The following TRIOBP variants were observed in gnomAD, a reference collection of about 807,000 sequenced individuals.
TRIOBP encodes the protein TRIO and F-actin binding protein.
Under a neutral mutation model 238.8 loss-of-function variants are expected in TRIOBP, and 169 were observed. The ratio of observed to expected loss-of-function variants is 0.71; its 90% confidence interval spans 0.62 to 0.80. The LOEUF (loss-of-function observed/expected upper bound fraction) is 0.80. Ranked by LOEUF, TRIOBP falls within the 30% of genes least tolerant of loss-of-function variation. TRIOBP has a pLI of 0.00. For missense variants in TRIOBP, 2,838 were observed against 3,122.6 expected (o/e 0.91, Z 2.17); for synonymous variants, 1,150 against 1,274.4 (o/e 0.90, Z 2.08).
At position 37,735,005 on chromosome 22, in the gene TRIOBP, C is replaced by T. The variant is rs1182308319; in HGVS notation, c.4669C>T (p.Leu1557Phe). The stretch of plus-strand genomic sequence containing the variant: ...GCGTGGCTCTGAGAGGCGACCCGAG[C>T]TTGACTGGAGGGATCTGCTTGGCCT... The part of the protein sequence containing the change: ...YPRGSERRPE[L>F]DWRDLLGLLR... The change falls in exon 9 of 24, where the codon CTT becomes TTT. Residue 1557 changes from leucine to phenylalanine, a missense_variant. Leu to Phe is a conservative substitution (Grantham distance 22). Around this residue, in one of 5 missense-constraint regions of TRIOBP, gnomAD observed 2,096 missense variants for 2,137.4 expected, o/e 0.98. Transcript: ENST00000644935. 6.2e-7 allele frequency: 1 copy of T among 1,613,096 alleles called. No individual in the cohort carries two copies. The highest frequency in any genetic ancestry group is 8.5e-7 in the Non-Finnish European group (1 of 1,179,712).
At position 37,734,716 on chromosome 22, in the gene TRIOBP, G is replaced by A. The variant is rs776530766; in HGVS notation, c.4380G>A (p.Trp1460Ter). 1 of 1,608,878 alleles carries A rather than the reference G, an allele frequency of 6.2e-7. No homozygotes were observed. The highest frequency in any genetic ancestry group is 1.7e-5 in the Admixed American group (1 of 59,312). ...GAGGCCTGGGCCCTGGGGGCTGGTG[G>A]GGATGTGGAGAGCCCAGCCTGGGGG... ...QEGGLGPGGW[W>*]GCGEPSLGAA... The change falls in exon 9 of 24, where the codon TGG becomes TGA. Residue 1460 changes from tryptophan (W) to a stop codon, truncating the protein, a stop_gained. Coordinates refer to ENST00000644935, the MANE Select transcript of TRIOBP (RefSeq NM_001039141.3). LOFTEE classifies it high-confidence loss of function.
rs1331298841 is a variant in TRIOBP, at chr22:37,776,387, A to G, written c.*2607A>G. 2 of 152,210 alleles carry G rather than the reference A, an allele frequency of 1.3e-5. No homozygotes were observed. Among genetic ancestry groups the G allele is most frequent in the African/African-American group, 4.8e-5 (2 of 41,452 alleles). 9.4% of individuals were successfully genotyped at this position (152,210 alleles called of 1,614,324 possible). On this transcript the variant is annotated 3_prime_UTR_variant, in exon 24 of 24. Coordinates refer to ENST00000644935, the MANE Select transcript of TRIOBP (RefSeq NM_001039141.3). ...CAGGAAACTGACCAGCTTCTCATCA[A>G]GTTAAATACGCATCTACCCTATGGC...
chr22:37,746,253 G>T, intron 11 of TRIOBP: 2 of 1,089,030 alleles, frequency 1.8e-6, no homozygotes, highest in Non-Finnish European at 2.2e-6. Flanking sequence ...CGGATGGAAG[G>T]GGCCGGGGCA....
At chr22:37,759,762 C>A in intron 17 of TRIOBP, 1 of 1,404,270 alleles carries the variant, frequency 7.1e-7, no homozygotes, top group Non-Finnish European at 9.3e-7. Flanking sequence ...CGGTTCTCAA[C>A]GGGGTCCATT....
chr22:37,722,872 TC>T (rs1219762966), intron 6 of TRIOBP, among the ~76,000 whole-genome samples: 1 of 152,250 alleles, frequency 6.6e-6, no homozygotes, highest in Non-Finnish European at 1.5e-5. Flanking sequence ...AACACTTCTC[TC>T]CACAAATTTG....
At chr22:37,698,887 C>T (rs537864622) in intron 2 of TRIOBP, among the ~76,000 whole-genome samples, 19 of 152,144 alleles carry the variant, frequency 1.2e-4, no homozygotes, top group Middle Eastern at 3.4e-3. Flanking sequence ...GTGGCTCACA[C>T]CTGTAATCCC....
At chr22:37,703,182 G>C (rs922652216) in intron 3 of TRIOBP, among the ~76,000 whole-genome samples, 2 of 151,870 alleles carry the variant, frequency 1.3e-5, no homozygotes, top group Non-Finnish European at 2.9e-5. Context: ...CTTTAGTAGA[G>C]ACAGGGTTTC....
intron 6 of TRIOBP, among the ~76,000 whole-genome samples, chr22:37,719,919 T>C (rs1923730266): frequency 6.6e-6 from 1 of 150,566 alleles, no homozygotes; most frequent in Non-Finnish European, 1.5e-5. Flanking sequence ...ACCTGCCAAT[T>C]TATACAACCC....
In TRIOBP at chr22:37,773,921, CACACACACACACACACAG is replaced by C. The variant is rs58391528; in HGVS notation, c.*149_*166del. The C allele has an allele frequency of 3.8e-3, 522 of 139,092 alleles. 4 individuals are homozygous for C. Among genetic ancestry groups the C allele is most frequent in the African/African-American group, 0.017 (493 of 29,834 alleles). The allele number at this position is 139,092 out of a possible 1,614,324, so 8.6% of individuals were successfully genotyped here. On this transcript the variant is annotated 3_prime_UTR_variant, in exon 24 of 24. Coordinates refer to ENST00000644935, the MANE Select transcript of TRIOBP (RefSeq NM_001039141.3). The stretch of plus-strand genomic sequence containing the variant: ...TGCACCCACCACACACACACACACA[CACACACACACACACACAG>C]ACACACAGACACATACGCACACACG...
At position 37,703,485 on chromosome 22, in the gene TRIOBP, T is replaced by A. The variant is rs184509226; in HGVS notation, c.114+2006T>A. 7.1e-3 allele frequency among the ~76,000 whole-genome samples: 1,067 copies of A among 150,960 alleles called. 12 individuals are homozygous for A. Among genetic ancestry groups the A allele is most frequent in the African/African-American group, 0.025 (1,015 of 41,200 alleles). ...GACCACCATGGCTTCGTCATTCCCATTGGGGTCTGAAGGTCCTCTTTTTTT... is the reference window on the plus strand; with the variant it reads ...GACCACCATGGCTTCGTCATTCCCAATGGGGTCTGAAGGTCCTCTTTTTTT... On this transcript the variant is annotated intron_variant, in intron 3 of 23. Transcript: ENST00000644935.
At position 37,771,004 on chromosome 22, in the gene TRIOBP, A is replaced by C. The variant is rs1926746811; in HGVS notation, c.6850-646A>C. Among the ~76,000 whole-genome samples the C allele has an allele frequency of 4.6e-5, 7 of 152,146 alleles. No individual in the cohort carries two copies. The South Asian group carries it at 1.5e-3, about 32-fold the overall frequency. On this transcript the variant is annotated intron_variant, in intron 21 of 23. Coordinates refer to ENST00000644935, the MANE Select transcript of TRIOBP (RefSeq NM_001039141.3). ...GCCCCAATATTTTATTTCTTCAACA[A>C]ACACTTAGGTGAGGCTCACTCTGTA...
intron 6 of TRIOBP, among the ~76,000 whole-genome samples, chr22:37,718,843 GTTTTTTT>G (rs71195044): frequency 9.7e-6 from 1 of 103,354 alleles, no homozygotes; most frequent in Non-Finnish European, 2.0e-5. Context: ...ACTGGGGCTT[GTTTTTTT>G]TTTTTTTTTT....
At chr22:37,745,125 A>G (rs1323684860) in intron 11 of TRIOBP, among the ~76,000 whole-genome samples, 1 of 151,968 alleles carries the variant, frequency 6.6e-6, no homozygotes, top group Non-Finnish European at 1.5e-5. Flanking sequence ...CAGCCTCCCA[A>G]AGTGTTGGGA....
Position 37,734,643 on chromosome 22 carries a change from C to T in TRIOBP, c.4307C>T (p.Ser1436Phe), listed in dbSNP as rs766344426. ...CAGAGTCAGGAGGAACCGCCAGGGT[C>T]CCAGGGCCCTCATAGACACCTAGAA... ...VWQSQEEPPG[S>F]QGPHRHLERS... is the part of the protein sequence containing the mutation. The change falls in exon 9 of 24, where the codon TCC becomes TTC. Residue 1436 changes from serine to phenylalanine, a missense_variant. Coordinates refer to ENST00000644935, the MANE Select transcript of TRIOBP (RefSeq NM_001039141.3). 1.3e-6 allele frequency: 2 copies of T among 1,592,622 alleles called. No homozygotes were observed. The highest frequency in any genetic ancestry group is 8.5e-7 in the Non-Finnish European group (1 of 1,170,258).
At chr22:37,759,843 C>G (rs1926150911) in intron 17 of TRIOBP, 8 of 1,159,604 alleles carry the variant, frequency 6.9e-6, no homozygotes, top group Non-Finnish European at 8.8e-6. Context: ...CAAACTAACT[C>G]TCTAGAAAAA....
At chr22:37,742,636 G>A (rs1316494984) in intron 11 of TRIOBP, among the ~76,000 whole-genome samples, 1 of 152,166 alleles carries the variant, frequency 6.6e-6, no homozygotes, top group African/African-American at 2.4e-5. Context: ...TCTGAGTAGT[G>A]TGGTACCTTT....
intron 2 of TRIOBP, among the ~76,000 whole-genome samples, chr22:37,698,770 A>C (rs1395115841): frequency 6.6e-6 from 1 of 151,574 alleles, no homozygotes; most frequent in Admixed American, 6.6e-5. Context: ...TGAGCCCGGG[A>C]GTTTGAGGTT....
At chr22:37,763,738 G>T (rs1166610534) in intron 17 of TRIOBP, among the ~76,000 whole-genome samples, 1 of 152,134 alleles carries the variant, frequency 6.6e-6, no homozygotes, top group South Asian at 2.1e-4. Context: ...GGCTGCTGCC[G>T]CCTGCCTATC....
chr22:37,759,475 T>G, intron 17 of TRIOBP: 1 of 1,570,114 alleles, frequency 6.4e-7, no homozygotes, highest in African/African-American at 1.3e-5. Flanking sequence ...TCTGAGAGGT[T>G]ATGTGACTTG....
Sources: allele counts gnomAD v4.1 joint callset (sites outside exome capture counted in the v4.1 genomes callset), GRCh38; gene constraint gnomAD v4.1.1; regional missense constraint gnomAD v4.1.1; transcripts MANE v1.5; gene names NCBI Gene and HGNC (gene_info 2026-07-23, HGNC 2026-07-21).